Variants in TMEM272 observed in about 807,000 individuals in gnomAD.
The protein encoded by TMEM272 is long intergenic non-protein coding RNA 282.
Under a neutral mutation model 3.7 loss-of-function variants are expected in TMEM272, and 8 were observed. The observed-to-expected ratio is 2.17, with a 90% CI of 1.27 to 3.91. TMEM272 has a LOEUF of 3.91. Among genes scored for constraint, TMEM272 ranks in the 30% most tolerant of loss-of-function variants. TMEM272 has a pLI of 0.00. For missense variants in TMEM272, 166 were observed against 91.5 expected (o/e 1.81, Z -3.32); for synonymous variants, 63 against 39.8 (o/e 1.58, Z -2.20).
At chr13:51,819,667 T>C (rs548734376) in intron 4 of TMEM272, among the ~76,000 whole-genome samples, 2 of 152,328 alleles carry the variant, frequency 1.3e-5, no homozygotes, top group Admixed American at 1.3e-4. Flanking sequence ...AGTCAAAGAA[T>C]CCTTCCTGAA....
chr13:51,830,815 T>C (rs1010951034), intron 2 of TMEM272, among the ~76,000 whole-genome samples: 2 of 152,174 alleles, frequency 1.3e-5, no homozygotes. Flanking sequence ...CTGGCCCTGT[T>C]CTCAGGCTGT....
chr13:51,907,409 C>T, the TMEM272 span, among the ~76,000 whole-genome samples: 18 of 152,260 alleles, frequency 1.2e-4, no homozygotes, highest in East Asian at 3.5e-3. Flanking sequence ...ACTAACCAGT[C>T]GAGAGCTCAT....
intron 1 of TMEM272, among the ~76,000 whole-genome samples, chr13:51,842,417 A>G (rs907511795): frequency 6.6e-6 from 1 of 152,246 alleles, no homozygotes; most frequent in African/African-American, 2.4e-5. Context: ...TGTAGGAGAT[A>G]GATAAGCAGA....
At chr13:51,847,487 G>T (rs1344852430), upstream of TMEM272, among the ~76,000 whole-genome samples, 1 of 152,182 alleles carries the variant, frequency 6.6e-6, no homozygotes, top group Non-Finnish European at 1.5e-5. Context: ...CAAAAAGATT[G>T]GGGACCACTG....
At chr13:51,907,104 T>C in the TMEM272 span, among the ~76,000 whole-genome samples, 2 of 152,242 alleles carry the variant, frequency 1.3e-5, no homozygotes, top group African/African-American at 4.8e-5. Context: ...CTTTGACCCA[T>C]GGGATGCAGC....
At chr13:51,866,857 T>G in the TMEM272 span, among the ~76,000 whole-genome samples, 1 of 152,220 alleles carries the variant, frequency 6.6e-6, no homozygotes, top group Non-Finnish European at 1.5e-5. Flanking sequence ...ATAAGTCTCA[T>G]GGTCCCTGTG....
At chr13:51,882,275 A>T in the TMEM272 span, among the ~76,000 whole-genome samples, 5 of 152,202 alleles carry the variant, frequency 3.3e-5, no homozygotes, top group Admixed American at 2.0e-4. Flanking sequence ...GTGCTTAATG[A>T]CATTTTGGAA....
In TMEM272 at chr13:51,819,112, T is replaced by G. The variant is rs143849189; in HGVS notation, c.202-1999A>C. On this transcript the variant is annotated intron_variant, in intron 4 of 4. Coordinates refer to ENST00000629372, the MANE Select transcript of TMEM272 (RefSeq NM_001351003.2). ...GGGGAGTTCAGAGAGCCACCCACAG[T>G]AGAGCTGACTCATCCAGGGAGGGCT... 2.2e-4 allele frequency among the ~76,000 whole-genome samples: 34 copies of G among 152,194 alleles called. No individual in the cohort carries two copies. In the East Asian group the frequency reaches 5.2e-3, roughly 23 times the overall value.
chr13:51,814,662 G>C lies in TMEM272; in HGVS notation c.*2089C>G, dbSNP rs1956000376. 6.6e-6 allele frequency: 1 copy of C among 152,344 alleles called. No homozygotes were observed. Among genetic ancestry groups the C allele is most frequent in the East Asian group, 1.9e-4 (1 of 5,190 alleles). 9.4% of individuals were successfully genotyped at this position (152,344 alleles called of 1,614,324 possible). A position where few individuals can be genotyped will look rare whatever the true frequency, so the allele number is the denominator to read the frequency against. On this transcript the variant is annotated 3_prime_UTR_variant, in exon 5 of 5. Transcript: ENST00000629372. ...ATTTTAGCAATTATTTAGGACCTAT[G>C]ACCAGTATTCTCCATTGCAACTGGG...
chr13:51,900,137 T>G, the TMEM272 span, among the ~76,000 whole-genome samples: 1 of 151,892 alleles, frequency 6.6e-6, no homozygotes, highest in African/African-American at 2.4e-5. Context: ...AGAAAAAAAA[T>G]GTAAATCGGA....
chr13:51,846,210 CA>C (rs1956303910), upstream of TMEM272, among the ~76,000 whole-genome samples: 1 of 152,162 alleles, frequency 6.6e-6, no homozygotes, highest in African/African-American at 2.4e-5. Context: ...AGCAGAGGAG[CA>C]AGGGGAGGAG....
intron 1 of TMEM272, among the ~76,000 whole-genome samples, chr13:51,841,762 T>C (rs1002553188): frequency 1.3e-5 from 2 of 152,226 alleles, no homozygotes; most frequent in African/African-American, 2.4e-5. Context: ...TCGCAGGTAT[T>C]AGATCCATTT....
At chr13:51,905,615 C>A in the TMEM272 span, among the ~76,000 whole-genome samples, 1 of 152,224 alleles carries the variant, frequency 6.6e-6, no homozygotes, top group Non-Finnish European at 1.5e-5. Flanking sequence ...TGGAATCCTG[C>A]AGGGAAGCTG....
chr13:51,885,918 T>C, the TMEM272 span, among the ~76,000 whole-genome samples: 1 of 152,166 alleles, frequency 6.6e-6, no homozygotes, highest in Non-Finnish European at 1.5e-5. Context: ...TTTCTAAAAA[T>C]ATAGCGAGGG....
At chr13:51,933,521 CA>C in the TMEM272 span, 1 of 152,246 alleles carries the variant, frequency 6.6e-6, no homozygotes, top group Non-Finnish European at 1.5e-5. Flanking sequence ...CTGTCAATCA[CA>C]ACCAACTTCA....
At chr13:51,893,593 C>T in the TMEM272 span, among the ~76,000 whole-genome samples, 1 of 151,846 alleles carries the variant, frequency 6.6e-6, no homozygotes, top group African/African-American at 2.4e-5. Context: ...AAATCTCTTC[C>T]CCTGGCTCAC....
upstream of TMEM272, among the ~76,000 whole-genome samples, chr13:51,846,740 C>A (rs1203344076): frequency 6.6e-6 from 1 of 152,034 alleles, no homozygotes. Context: ...TATTGATGAT[C>A]CTGACCCTGT....
chr13:51,881,134 CT>C, the TMEM272 span, among the ~76,000 whole-genome samples: 2 of 152,128 alleles, frequency 1.3e-5, no homozygotes, highest in African/African-American at 4.8e-5. Flanking sequence ...CTGAATAACA[CT>C]GAAGGAAAGG....
At chr13:51,929,259 T>C in the TMEM272 span, among the ~76,000 whole-genome samples, 17 of 152,182 alleles carry the variant, frequency 1.1e-4, no homozygotes, top group Non-Finnish European at 5.9e-5. Flanking sequence ...CACATGATGA[T>C]AAAAATACGT....
Sources: allele counts gnomAD v4.1 joint callset (sites outside exome capture counted in the v4.1 genomes callset), GRCh38; gene constraint gnomAD v4.1.1; transcripts MANE v1.5; gene names NCBI Gene and HGNC (gene_info 2026-07-23, HGNC 2026-07-21).